UBR3: variants seen among roughly 807,000 people sequenced by gnomAD.
UBR3 encodes the protein E3 ubiquitin-protein ligase UBR3.
In UBR3, 85 loss-of-function variants were observed where a neutral mutation model predicts 243.2. The ratio of observed to expected loss-of-function variants is 0.35; its 90% CI spans 0.29 to 0.42. The LOEUF is 0.42. Ranked by LOEUF, UBR3 falls within the 10% of genes least tolerant of loss-of-function variation. The probability of loss-of-function intolerance (pLI) is 1.00; values close to 1 mark genes in which losing one functional copy is unlikely to be tolerated. For synonymous variants in UBR3, 748 were observed against 799.8 expected (o/e 0.94, Z 1.09); for missense variants, 1,686 against 2,300.8 (o/e 0.73, Z 5.47).
chr2:169,851,594 G>A (rs970394646), intron 1 of UBR3, among the ~76,000 whole-genome samples: 2 of 152,106 alleles, frequency 1.3e-5, no homozygotes, highest in African/African-American at 4.8e-5. Context: ...GGCCAGGCAC[G>A]GTGGCTCATG....
At chr2:169,918,915 G>A (rs1259227100) in intron 11 of UBR3, among the ~76,000 whole-genome samples, 1 of 152,140 alleles carries the variant, frequency 6.6e-6, no homozygotes, top group African/African-American at 2.4e-5. Flanking sequence ...CAAGTATATG[G>A]TTAATTTGAT....
intron 8 of UBR3, among the ~76,000 whole-genome samples, chr2:169,903,513 G>A (rs1030251303): frequency 7.2e-5 from 11 of 152,092 alleles, no homozygotes; most frequent in Admixed American, 3.3e-4. Context: ...ACCCTCTCTC[G>A]TCCATTGAGA....
Position 170,081,920 on chromosome 2 carries a change from TG to T in UBR3, c.*82del. The T allele has an allele frequency of 9.3e-7, 1 of 1,070,702 alleles. No individual in the cohort carries two copies. The highest frequency in any genetic ancestry group is 1.3e-6 in the Non-Finnish European group (1 of 768,436). 66.3% of individuals were successfully genotyped at this position (1,070,702 alleles called of 1,614,324 possible). ...TTCAACAATAAGCTTTAACTTAATT[TG>T]GGGGATTAACACTTTTGCTGAGGGA... On this transcript the variant is annotated 3_prime_UTR_variant, in exon 39 of 39. Transcript: ENST00000272793.
chr2:169,958,782 T>C (rs2087430339), intron 24 of UBR3, among the ~76,000 whole-genome samples: 1 of 152,200 alleles, frequency 6.6e-6, no homozygotes, highest in African/African-American at 2.4e-5. Flanking sequence ...TCTCTTCTGT[T>C]AAACGGTCTT....
At chr2:169,850,923 A>G (rs1210248956) in intron 1 of UBR3, among the ~76,000 whole-genome samples, 3 of 152,160 alleles carry the variant, frequency 2.0e-5, no homozygotes, top group South Asian at 4.1e-4. Context: ...AGAAAAACAT[A>G]ATAAAAAATA....
At chr2:169,930,688 T>C (rs1213662243) in intron 18 of UBR3, among the ~76,000 whole-genome samples, 1 of 152,184 alleles carries the variant, frequency 6.6e-6, no homozygotes, top group Non-Finnish European at 1.5e-5. Context: ...CCTAGCCAGT[T>C]TTTTTATCTT....
chr2:170,055,618 T>A (rs2091315882), intron 33 of UBR3, 34 bp downstream of exon 33: 2 of 1,609,066 alleles, frequency 1.2e-6, no homozygotes, highest in African/African-American at 1.3e-5. Flanking sequence ...ATTTAGCAGG[T>A]AGGTGAAGTC....
At chr2:169,896,022 C>T (rs573013628) in intron 7 of UBR3, among the ~76,000 whole-genome samples, 39 of 151,490 alleles carry the variant, frequency 2.6e-4, no homozygotes, top group African/African-American at 8.9e-4. Context: ...TACGGCTGGG[C>T]GTGGTAGCTC....
chr2:169,881,908 TATGTATATG>T (rs1303061676), intron 5 of UBR3, among the ~76,000 whole-genome samples: 3 of 45,656 alleles, frequency 6.6e-5, no homozygotes, highest in Non-Finnish European at 1.5e-4. Context: ...CATATAGGTA[TATGTATATG>T]TATACATGTA....
At chr2:169,977,351 C>T (rs2088496663) in intron 24 of UBR3, among the ~76,000 whole-genome samples, 1 of 152,124 alleles carries the variant, frequency 6.6e-6, no homozygotes, top group Non-Finnish European at 1.5e-5. Context: ...AATTGGCTTA[C>T]ATAATTACAA....
Position 170,081,926 on chromosome 2 carries a change from A to G in UBR3, c.*83A>G. 2 of 1,004,462 alleles carry G rather than the reference A, an allele frequency of 2.0e-6. No individual in the cohort carries two copies. Among genetic ancestry groups the G allele is most frequent in the Non-Finnish European group, 2.8e-6 (2 of 716,384 alleles). 62.2% of individuals were successfully genotyped at this position (1,004,462 alleles called of 1,614,324 possible). ...AATAAGCTTTAACTTAATTTGGGGG[A>G]TTAACACTTTTGCTGAGGGAGAAAA... On this transcript the variant is annotated 3_prime_UTR_variant, in exon 39 of 39. Transcript: ENST00000272793.
At chr2:169,946,203 GA>G (rs2086788149) in intron 20 of UBR3, 84 bp from the exon 21 acceptor site, 1 of 779,822 alleles carries the variant, frequency 1.3e-6, no homozygotes. Context: ...TTTTCGTCTA[GA>G]ACAGTAAAAT....
intron 33 of UBR3, among the ~76,000 whole-genome samples, chr2:170,056,704 T>C (rs1362400014): frequency 5.3e-5 from 8 of 152,242 alleles, no homozygotes; most frequent in Non-Finnish European, 8.8e-5. Flanking sequence ...AAACCAATTA[T>C]AAATACATGA....
At chr2:169,846,683 C>A (rs1472386043) in intron 1 of UBR3, among the ~76,000 whole-genome samples, 1 of 148,934 alleles carries the variant, frequency 6.7e-6, no homozygotes, top group Admixed American at 6.8e-5. Context: ...GCACTCTAGC[C>A]TGGGCAACAG....
chr2:169,860,906 C>T (rs2083064498), intron 1 of UBR3, among the ~76,000 whole-genome samples: 1 of 152,178 alleles, frequency 6.6e-6, no homozygotes, highest in Non-Finnish European at 1.5e-5. Flanking sequence ...GCCGACACTG[C>T]AGCACTCAGT....
chr2:169,905,957 G>A (rs1434857602), intron 9 of UBR3, 74 bp from the exon 10 acceptor site: 7 of 1,493,400 alleles, frequency 4.7e-6, no homozygotes, highest in Non-Finnish European at 6.3e-6. Flanking sequence ...TTGGGACTGG[G>A]AAATGTACTT....
At chr2:169,942,747 C>A in intron 20 of UBR3, 113 bp downstream of exon 20, 1 of 1,053,302 alleles carries the variant, frequency 9.5e-7, no homozygotes, top group South Asian at 2.5e-5. Context: ...TGTATTTATG[C>A]ATTTAAGATG....
intron 1 of UBR3, among the ~76,000 whole-genome samples, chr2:169,870,616 C>G (rs1478840239): frequency 6.6e-6 from 1 of 151,798 alleles, no homozygotes. Context: ...GGATGTAAAT[C>G]TAATGGCATT....
intron 30 of UBR3, among the ~76,000 whole-genome samples, chr2:170,023,550 C>T (rs1283813165): frequency 2.0e-5 from 3 of 152,032 alleles, no homozygotes; most frequent in African/African-American, 4.8e-5. Context: ...GCTGGGATTA[C>T]AGGCACCCAC....
Sources: allele counts gnomAD v4.1 joint callset (sites outside exome capture counted in the v4.1 genomes callset), GRCh38; gene constraint gnomAD v4.1.1; transcripts MANE v1.5; gene names NCBI Gene and HGNC (gene_info 2026-07-23, HGNC 2026-07-21).